CD2AP: variants seen among roughly 807,000 people sequenced by gnomAD.
The protein encoded by CD2AP is CD2 associated protein.
Under a neutral mutation model 85.1 loss-of-function variants are expected in CD2AP, and 46 were observed. The observed-to-expected ratio is 0.54, with a 90% CI of 0.43 to 0.69. The LOEUF is 0.69. CD2AP is among the 30% of genes least tolerant of loss of function. The pLI is 0.00. For missense variants in CD2AP, 769 were observed against 729.5 expected (o/e 1.05, Z -0.62); for synonymous variants, 255 against 252.9 (o/e 1.01, Z -0.08).
chr6:47,590,942 G>T (rs1768776363), intron 11 of CD2AP, among the ~76,000 whole-genome samples: 1 of 152,098 alleles, frequency 6.6e-6, no homozygotes, highest in Admixed American at 6.6e-5. Flanking sequence ...CATGTTTAAG[G>T]ATTGGAAGAA....
chr6:47,608,183 G>GA (rs1460023337), intron 15 of CD2AP, among the ~76,000 whole-genome samples, 155 bp downstream of exon 15: 1 of 152,072 alleles, frequency 6.6e-6, no homozygotes, highest in African/African-American at 2.4e-5. Context: ...AGCTTCATCA[G>GA]ACTATTTTCT....
chr6:47,497,343 T>TC (rs1765887240), intron 1 of CD2AP, among the ~76,000 whole-genome samples: 1 of 135,696 alleles, frequency 7.4e-6, no homozygotes, highest in Non-Finnish European at 1.6e-5. Context: ...TTCCCTTCCC[T>TC]TCCCTCCCCT....
intron 9 of CD2AP, among the ~76,000 whole-genome samples, chr6:47,580,466 CA>C (rs34686999): frequency 0.86 from 129,197 of 149,504 alleles, 56,125 homozygotes; most frequent in Non-Finnish European, 0.92. Flanking sequence ...ACAAAACAAA[CA>C]AAAAAAAAAA....
rs190050145 is a variant in CD2AP, at chr6:47,487,416, C to T, written c.4+9168C>T. ...CTTAAATAAAAACTTCTTGGCCAGG[C>T]GCGGTGGCTCACGCCTGTAATCCCA... On this transcript the variant is annotated intron_variant, in intron 1 of 17. Coordinates refer to ENST00000359314, the MANE Select transcript of CD2AP (RefSeq NM_012120.3). 4.4e-3 allele frequency among the ~76,000 whole-genome samples: 677 copies of T among 152,234 alleles called. 6 individuals carry two copies. Among genetic ancestry groups the T allele is most frequent in the African/African-American group, 0.015 (636 of 41,536 alleles).
intron 11 of CD2AP, among the ~76,000 whole-genome samples, chr6:47,590,436 A>G (rs917225356): frequency 1.3e-5 from 2 of 152,302 alleles, no homozygotes; most frequent in African/African-American, 4.8e-5. Flanking sequence ...GATAGAAAAT[A>G]TGGAAAAGAC....
At chr6:47,611,904 T>G (rs560365016) in intron 16 of CD2AP, among the ~76,000 whole-genome samples, 1 of 152,168 alleles carries the variant, frequency 6.6e-6, no homozygotes, top group East Asian at 1.9e-4. Context: ...AATATTCACT[T>G]AAAGCTATAG....
At chr6:47,586,933 G>T (rs562962096) in intron 11 of CD2AP, among the ~76,000 whole-genome samples, 1 of 152,256 alleles carries the variant, frequency 6.6e-6, no homozygotes, top group East Asian at 1.9e-4. Context: ...CAAAGGAAAT[G>T]ATTCTAAGTA....
At chr6:47,542,299 G>C (rs897772812) in intron 3 of CD2AP, among the ~76,000 whole-genome samples, 1 of 152,128 alleles carries the variant, frequency 6.6e-6, no homozygotes, top group African/African-American at 2.4e-5. Context: ...GCTACTGATG[G>C]AGTGTAGACA....
chr6:47,505,855 C>A (rs1421118684), intron 2 of CD2AP, among the ~76,000 whole-genome samples: 2 of 122,728 alleles, frequency 1.6e-5, no homozygotes, highest in Non-Finnish European at 3.5e-5. Flanking sequence ...GGGGGGCTGA[C>A]CCCCCACCTC....
intron 12 of CD2AP, 48 bp downstream of exon 12, chr6:47,596,074 G>A: frequency 1.5e-6 from 2 of 1,326,706 alleles, no homozygotes; most frequent in Non-Finnish European, 2.2e-6. Flanking sequence ...ACTCACCTTT[G>A]ACCTTAATGG....
At chr6:47,587,852 G>A (rs77802096) in intron 11 of CD2AP, among the ~76,000 whole-genome samples, 300 of 152,142 alleles carry the variant, frequency 2.0e-3, no homozygotes, top group Middle Eastern at 3.4e-3. Context: ...GCATAAAATG[G>A]TGCTGAAGGC....
At chr6:47,599,519 G>T in intron 13 of CD2AP, 76 bp downstream of exon 13, 1 of 1,314,582 alleles carries the variant, frequency 7.6e-7, no homozygotes, top group Non-Finnish European at 1.1e-6. Context: ...ATATATTTAT[G>T]CAATTTGTGT....
At chr6:47,501,211 A>AC (rs2113978730) in intron 1 of CD2AP, among the ~76,000 whole-genome samples, 1 of 152,252 alleles carries the variant, frequency 6.6e-6, no homozygotes, top group African/African-American at 2.4e-5. Context: ...ATATAGCCAG[A>AC]CCCCATCTCT....
rs34069459 is a variant in CD2AP at position 47,609,233 on chromosome 6, T to A, written c.1743T>A (p.Asn581Lys). The A allele has an allele frequency of 2.0e-3, 3,174 of 1,613,206 alleles. 53 individuals are homozygous for A. The African/African-American group carries it at 0.037, about 19-fold the overall frequency. Reference protein sequence around the residue: ...AKVETDDVKKNSLDELRAQII... With the variant: ...AKVETDDVKKKSLDELRAQII... ...TGGAAACAGATGATGTGAAAAAAAA[T>A]TCCCTGGATGAACTTAGAGCCCAGA... The change falls in exon 16 of 18, where the codon AAT (asparagine) becomes AAA (lysine). Residue 581 changes from asparagine to lysine, a missense_variant. Physicochemically the swap from Asn to Lys is moderately conservative, Grantham distance 94. Coordinates refer to ENST00000359314, the MANE Select transcript of CD2AP (RefSeq NM_012120.3).
At chr6:47,555,714 T>C (rs901146886) in intron 5 of CD2AP, among the ~76,000 whole-genome samples, 3 of 152,224 alleles carry the variant, frequency 2.0e-5, no homozygotes, top group Non-Finnish European at 2.9e-5. Flanking sequence ...TACAAGATCA[T>C]ACTAAGGTGT....
intron 1 of CD2AP, among the ~76,000 whole-genome samples, chr6:47,487,782 T>A (rs1765602462): frequency 6.6e-6 from 1 of 152,226 alleles, no homozygotes; most frequent in South Asian, 2.1e-4. Flanking sequence ...TCATTGATGC[T>A]GGAGACCATA....
rs906213854 is a variant in CD2AP at position 47,579,375 on chromosome 6, T to C, written c.904-10T>C. On this transcript the variant is annotated splice_polypyrimidine_tract_variant and intron_variant, in intron 8 of 17. Transcript: ENST00000359314. Reference sequence around the variant, plus strand: ...GTCTATTGTCTTAATTATTCTATTTTGCTTTTTAGGAGACTGGAGAAGCTG... The same window carrying C: ...GTCTATTGTCTTAATTATTCTATTTCGCTTTTTAGGAGACTGGAGAAGCTG... 1 of 1,533,172 alleles carries C rather than the reference T, an allele frequency of 6.5e-7. No homozygotes were observed. Among genetic ancestry groups the C allele is most frequent in the African/African-American group, 1.4e-5 (1 of 73,598 alleles). The allele number at this position is 1,533,172 out of a possible 1,614,324, so 95.0% of individuals were successfully genotyped here. A position where few individuals can be genotyped will look rare whatever the true frequency, so the allele number is the denominator to read the frequency against.
At chr6:47,548,451 A>C (rs1449006969) in intron 4 of CD2AP, among the ~76,000 whole-genome samples, 1 of 152,142 alleles carries the variant, frequency 6.6e-6, no homozygotes, top group Non-Finnish European at 1.5e-5. Flanking sequence ...TAGAAAACCT[A>C]GAGGAGATGG....
chr6:47,567,644 A>T (rs771015496), intron 5 of CD2AP, among the ~76,000 whole-genome samples: 4 of 152,204 alleles, frequency 2.6e-5, no homozygotes, highest in Non-Finnish European at 5.9e-5. Flanking sequence ...AAGAAGTCAT[A>T]GATTGAGATC....
Sources: gnomAD v4.1 joint callset for allele counts (sites outside exome capture counted in the v4.1 genomes callset) on GRCh38, gnomAD v4.1.1 for gene constraint, MANE v1.5 for transcripts, NCBI Gene and HGNC (gene_info 2026-07-23, HGNC 2026-07-21) for gene names.